KATNAL1: variants seen among roughly 807,000 people sequenced by gnomAD.
KATNAL1 encodes the protein katanin catalytic subunit A1 like 1.
KATNAL1 carries 32 observed loss-of-function variants against 55.2 expected under a neutral mutation model. That is an observed-to-expected ratio of 0.58 (90% CI 0.44 to 0.78). The LOEUF (loss-of-function observed/expected upper bound fraction) is 0.78. Ranked by LOEUF, KATNAL1 falls within the 30% of genes least tolerant of loss-of-function variation. The pLI is 0.00. For synonymous variants in KATNAL1, 193 were observed against 193.6 expected (o/e 1.00, Z 0.02); for missense variants, 466 against 600.9 (o/e 0.78, Z 2.35).
chr13:30,208,643 G>A lies in KATNAL1; in HGVS notation c.1370C>T (p.Thr457Ile). Residue 457 changes from threonine to isoleucine, a missense_variant, in exon 11 of 11, where the codon ACC (threonine) becomes ATC (isoleucine). Around this residue, in one of 3 missense-constraint regions of KATNAL1, gnomAD observed 213 missense variants for 308.6 expected, o/e 0.69. Transcript: ENST00000380615. ...TAGGGCCAATTCAAAGTCTCCTTTG[G>A]TAACAGGCATCTGAAGTTCCTCTTT... Reference protein sequence around the residue: ...LSKEELQMPVTKGDFELALKK... With the variant: ...LSKEELQMPVIKGDFELALKK... The A allele has an allele frequency of 6.2e-7, 1 of 1,613,864 alleles. No homozygotes were observed. The highest frequency in any genetic ancestry group is 8.5e-7 in the Non-Finnish European group (1 of 1,179,902).
chr13:30,275,574 G>A (rs1880781238), intron 3 of KATNAL1, among the ~76,000 whole-genome samples: 1 of 152,112 alleles, frequency 6.6e-6, no homozygotes, highest in African/African-American at 2.4e-5. Flanking sequence ...AGAAGAAAAT[G>A]GGGTGATATT....
At chr13:30,228,121 A>C (rs1875694784) in intron 8 of KATNAL1, among the ~76,000 whole-genome samples, 1 of 152,192 alleles carries the variant, frequency 6.6e-6, no homozygotes, top group South Asian at 2.1e-4. Context: ...GATAAAAATA[A>C]CCAAACCAAC....
chr13:30,230,874 A>C (rs1876032358), intron 7 of KATNAL1, among the ~76,000 whole-genome samples: 2 of 152,136 alleles, frequency 1.3e-5, no homozygotes, highest in Non-Finnish European at 2.9e-5. Flanking sequence ...TAATGGAAAA[A>C]TTTTTCAAAA....
chr13:30,307,441 GA>G lies in KATNAL1; in HGVS notation c.-126del. 6.5e-6 allele frequency: 1 copy of G among 153,074 alleles called. No individual in the cohort carries two copies. Among genetic ancestry groups the G allele is most frequent in the Non-Finnish European group, 1.5e-5 (1 of 68,676 alleles). The allele number at this position is 153,074 out of a possible 1,614,324, so 9.5% of individuals were successfully genotyped here. ...GAGTCCGTTAGCTCGCGACGTGCGT[GA>G]AAAGGCGGCGGCGGCGTAGTGTTGC... On this transcript the variant is annotated 5_prime_UTR_variant, in exon 1 of 11. It removes the in-frame stop codon of an upstream open reading frame in the 5' UTR. Transcript: ENST00000380615.
At chr13:30,246,505 A>G (rs1266786996) in intron 4 of KATNAL1, among the ~76,000 whole-genome samples, 1 of 152,176 alleles carries the variant, frequency 6.6e-6, no homozygotes, top group Non-Finnish European at 1.5e-5. Flanking sequence ...TGACTAAAAC[A>G]CCAAAGCAAT....
chr13:30,266,684 A>C (rs773918095), intron 3 of KATNAL1, among the ~76,000 whole-genome samples: 4 of 152,232 alleles, frequency 2.6e-5, no homozygotes, highest in African/African-American at 4.8e-5. Flanking sequence ...ATATCCTTTA[A>C]CAGAAAAATA....
chr13:30,243,925 T>G (rs1479615026), intron 4 of KATNAL1, among the ~76,000 whole-genome samples: 1 of 152,128 alleles, frequency 6.6e-6, no homozygotes, highest in Non-Finnish European at 1.5e-5. Context: ...GGAAATCTCA[T>G]TATTTTTCTT....
At chr13:30,258,531 T>C (rs2137470102) in intron 3 of KATNAL1, among the ~76,000 whole-genome samples, 1 of 152,322 alleles carries the variant, frequency 6.6e-6, no homozygotes, top group East Asian at 1.9e-4. Context: ...CCTCTCTTAA[T>C]GGTATCTTTC....
intron 4 of KATNAL1, among the ~76,000 whole-genome samples, chr13:30,248,550 AACT>A (rs1404212558): frequency 6.6e-6 from 1 of 152,374 alleles, no homozygotes; most frequent in East Asian, 1.9e-4. Flanking sequence ...AAAGGTTTTC[AACT>A]TCATAAATTA....
At chr13:30,220,293 T>C (rs1241381763) in intron 9 of KATNAL1, among the ~76,000 whole-genome samples, 1 of 152,088 alleles carries the variant, frequency 6.6e-6, no homozygotes, top group South Asian at 2.1e-4. Context: ...AAACCCCGTC[T>C]CTACTAAAAA....
chr13:30,283,879 T>A, intron 1 of KATNAL1, 88 bp from the exon 2 acceptor site: 1 of 467,078 alleles, frequency 2.1e-6, no homozygotes, highest in Non-Finnish European at 3.1e-6. Flanking sequence ...TAAAACTACT[T>A]TTTTTTTTTT....
chr13:30,295,399 A>G (rs538266521), intron 1 of KATNAL1, among the ~76,000 whole-genome samples: 7 of 152,364 alleles, frequency 4.6e-5, no homozygotes, highest in Admixed American at 6.5e-5. Flanking sequence ...CAGATGTGGT[A>G]GAAAAAGCAA....
intron 6 of KATNAL1, among the ~76,000 whole-genome samples, chr13:30,234,220 AAC>A (rs1252183410): frequency 1.3e-5 from 2 of 152,180 alleles, no homozygotes; most frequent in Non-Finnish European, 2.9e-5. Flanking sequence ...ATGTTTAAAA[AAC>A]AGATAAAATT....
chr13:30,266,205 T>A (rs1200564978), intron 3 of KATNAL1, among the ~76,000 whole-genome samples: 1 of 151,816 alleles, frequency 6.6e-6, no homozygotes. Flanking sequence ...TTTCACCATG[T>A]GGGCCAAGCT....
At chr13:30,269,498 C>T (rs1880076110) in intron 3 of KATNAL1, among the ~76,000 whole-genome samples, 1 of 151,924 alleles carries the variant, frequency 6.6e-6, no homozygotes, top group Non-Finnish European at 1.5e-5. Flanking sequence ...GCCACCCCGT[C>T]TAGGAAGTGA....
intron 3 of KATNAL1, among the ~76,000 whole-genome samples, chr13:30,277,938 G>C (rs916723629): frequency 2.6e-4 from 34 of 129,620 alleles, no homozygotes; most frequent in African/African-American, 9.5e-4. Context: ...AGCCGAGATT[G>C]CGCCACTGCA....
At chr13:30,210,655 A>G in intron 9 of KATNAL1, 2 of 277,280 alleles carry the variant, frequency 7.2e-6, no homozygotes, top group Non-Finnish European at 6.5e-6. Context: ...AAATTGAAAA[A>G]AAAAAAAAAA....
intron 8 of KATNAL1, 92 bp downstream of exon 8, chr13:30,230,376 C>T: frequency 3.5e-6 from 4 of 1,148,258 alleles, no homozygotes; most frequent in Non-Finnish European, 4.8e-6. Context: ...AATAATTAAA[C>T]TCAGGCTGCC....
At chr13:30,258,597 G>T (rs978524055) in intron 3 of KATNAL1, among the ~76,000 whole-genome samples, 1 of 152,164 alleles carries the variant, frequency 6.6e-6, no homozygotes, top group Non-Finnish European at 1.5e-5. Context: ...TATATTTAAT[G>T]CTTTAGTGGC....
Sources: gnomAD v4.1 joint callset for allele counts (sites outside exome capture counted in the v4.1 genomes callset) on GRCh38, gnomAD v4.1.1 for gene constraint, gnomAD v4.1.1 regional missense constraint, MANE v1.5 for transcripts, NCBI Gene and HGNC (gene_info 2026-07-23, HGNC 2026-07-21) for gene names.